ARHGEF11: variants seen among roughly 807,000 people sequenced by gnomAD.
ARHGEF11 encodes Rho guanine nucleotide exchange factor 11, also known as Rho guanine exchange factor (GEF) 11.
A neutral mutation model predicts 193.7 loss-of-function variants in ARHGEF11; 55 were observed. That is an observed-to-expected ratio of 0.28 (90% CI 0.23 to 0.36). The LOEUF (loss-of-function observed/expected upper bound fraction) is 0.36, where lower values mean the gene tolerates loss of function less well. Ranked by LOEUF, ARHGEF11 falls within the 10% of genes least tolerant of loss-of-function variation. The pLI is 1.00. For synonymous variants in ARHGEF11, 693 were observed against 768.0 expected, an observed-to-expected ratio of 0.90 and a Z score of 1.62; for missense variants, 1,723 against 2,005.6, an observed-to-expected ratio of 0.86 and a Z score of 2.69.
chr1:156,942,804 A>G, intron 32 of ARHGEF11, 24 bp from the exon 33 acceptor site: 1 of 1,607,440 alleles, frequency 6.2e-7, no homozygotes, highest in Non-Finnish European at 8.5e-7. Context: ...GGAAGGTAGA[A>G]GGGTCTGTAC....
intron 2 of ARHGEF11, among the ~76,000 whole-genome samples, chr1:156,985,329 C>A (rs904572653): frequency 1.3e-5 from 2 of 152,186 alleles, no homozygotes; most frequent in East Asian, 3.9e-4. Context: ...CCCATTAACA[C>A]AATGCCTAGT....
chr1:156,937,853 C>G (rs997947993), intron 38 of ARHGEF11, among the ~76,000 whole-genome samples: 1 of 152,206 alleles, frequency 6.6e-6, no homozygotes, highest in African/African-American at 2.4e-5. Flanking sequence ...GAGCAGGCAG[C>G]AGCCCTCTTG....
At chr1:156,954,761 G>C (rs1659700055) in intron 21 of ARHGEF11, 131 bp downstream of exon 21, 1 of 821,096 alleles carries the variant, frequency 1.2e-6, no homozygotes, top group Non-Finnish European at 2.0e-6. Context: ...AAGAGAAATG[G>C]AGAGAAGAAA....
chr1:156,953,132 G>A (rs1659366250), intron 21 of ARHGEF11, among the ~76,000 whole-genome samples: 1 of 152,226 alleles, frequency 6.6e-6, no homozygotes, highest in Non-Finnish European at 1.5e-5. Context: ...ACAGGTAGAA[G>A]GAAATGCATT....
rs1655505212 is a variant in ARHGEF11 at position 156,936,918 on chromosome 1, C to G, written c.4528G>C (p.Glu1510Gln). ...GAGCCATCTGTCCATCTAGCTGCTT[C>G]TGTGTGGAAACTGCCCACAGGCGTG... ...GTTPVGSFHTEAARWTDGSLS... is the reference protein window; with the variant it reads ...GTTPVGSFHTQAARWTDGSLS... Residue 1510 changes from glutamate to glutamine, a missense_variant, in exon 40 of 41, where the codon GAA becomes CAA. Physicochemically the swap from Glu to Gln is conservative, Grantham distance 29 (BLOSUM62 2). This residue lies in a region of ARHGEF11 where 360 missense variants were observed against 344.4 expected (regional missense o/e 1.05). Coordinates refer to ENST00000368194, the MANE Select transcript of ARHGEF11 (RefSeq NM_198236.3). 6.2e-7 allele frequency: 1 copy of G among 1,614,168 alleles called. No homozygotes were observed. Among genetic ancestry groups the G allele is most frequent in the Non-Finnish European group, 8.5e-7 (1 of 1,180,038 alleles).
rs377075621 is a variant in ARHGEF11 at position 156,978,286 on chromosome 1, C to G, written c.428G>C (p.Arg143Pro). The G allele has an allele frequency of 1.1e-5, 18 of 1,613,888 alleles. No individual in the cohort carries two copies. The highest frequency in any genetic ancestry group is 2.7e-5 in the African/African-American group (2 of 74,874). Residue 143 changes from arginine (R) to proline (P), a missense_variant, in exon 6 of 41, where the codon CGA (arginine) becomes CCA (proline). Transcript: ENST00000368194. Reference sequence around the variant, plus strand: ...TGGTGAGGGGATCACTGACGTGATTCGGGGAGCTCCTGCTGGGGATGGGTC... The same window carrying G: ...TGGTGAGGGGATCACTGACGTGATTGGGGGAGCTCCTGCTGGGGATGGGTC... ...QQDPSPAGAPRITSVIPSPPP... is the reference protein window; with the variant it reads ...QQDPSPAGAPPITSVIPSPPP...
intron 13 of ARHGEF11, among the ~76,000 whole-genome samples, chr1:156,962,164 T>C (rs1571262113): frequency 6.6e-6 from 1 of 152,082 alleles, no homozygotes. Flanking sequence ...TTCCTAAGGG[T>C]TCATGTTTTA....
chr1:156,976,848 CG>C, intron 7 of ARHGEF11, 134 bp downstream of exon 7: 1 of 761,220 alleles, frequency 1.3e-6, no homozygotes, highest in Non-Finnish European at 2.2e-6. Context: ...TTTAGTGGTC[CG>C]GAAGTTTTAT....
At chr1:157,021,303 T>C (rs1669944999) in intron 1 of ARHGEF11, among the ~76,000 whole-genome samples, 1 of 152,306 alleles carries the variant, frequency 6.6e-6, no homozygotes, top group African/African-American at 2.4e-5. Flanking sequence ...ATGTGTCAAG[T>C]ATTTGAGGAT....
At chr1:157,000,823 C>T (rs1466754327) in intron 1 of ARHGEF11, among the ~76,000 whole-genome samples, 6 of 152,170 alleles carry the variant, frequency 3.9e-5, no homozygotes, top group Non-Finnish European at 7.3e-5. Flanking sequence ...CAAACTGAGT[C>T]ATGGCAACCT....
Position 156,936,926 on chromosome 1 carries a change from A to C in ARHGEF11, c.4520T>G (p.Phe1507Cys). 1.2e-6 allele frequency: 2 copies of C among 1,613,978 alleles called. No individual in the cohort carries two copies. Among genetic ancestry groups the C allele is most frequent in the Non-Finnish European group, 1.7e-6 (2 of 1,180,002 alleles). ...TGTCCATCTAGCTGCTTCTGTGTGG[A>C]AACTGCCCACAGGCGTGGTGCCACC... ...SSGGTTPVGSFHTEAARWTDG... is the reference protein window; with the variant it reads ...SSGGTTPVGSCHTEAARWTDG... Residue 1507 changes from phenylalanine (F) to cysteine (C), a missense_variant, in exon 40 of 41, where the codon TTC becomes TGC. Around this residue, in one of 5 missense-constraint regions of ARHGEF11, gnomAD observed 360 missense variants for 344.4 expected, o/e 1.05. Coordinates refer to ENST00000368194, the MANE Select transcript of ARHGEF11 (RefSeq NM_198236.3).
Position 157,005,319 on chromosome 1 carries a change from G to A in ARHGEF11, c.33-19146C>T, listed in dbSNP as rs938291625. ...CCCCCCAACCCCCATAATGTTGACCGCCTTCAGAGGGTCTGGGTTCCCTGG... is the reference window on the plus strand; with the variant it reads ...CCCCCCAACCCCCATAATGTTGACCACCTTCAGAGGGTCTGGGTTCCCTGG... On this transcript the variant is annotated intron_variant, in intron 1 of 40. Transcript: ENST00000368194. Among the ~76,000 whole-genome samples, 60 of 152,098 alleles carry A rather than the reference G, an allele frequency of 3.9e-4. 1 individual carries two copies. The highest frequency in any genetic ancestry group is 5.9e-4 in the Admixed American group (9 of 15,268).
chr1:156,939,961 C>A, intron 36 of ARHGEF11, 51 bp from the exon 37 acceptor site: 2 of 1,582,004 alleles, frequency 1.3e-6, no homozygotes, highest in Non-Finnish European at 1.7e-6. Context: ...GCACACCACG[C>A]CAGAAGGATC....
In ARHGEF11 at chr1:156,951,398, G is replaced by A. The variant is rs566838083; in HGVS notation, c.1925+175C>T. Among the ~76,000 whole-genome samples, 18 of 152,288 alleles carry A rather than the reference G, an allele frequency of 1.2e-4. No homozygotes were observed. The South Asian group carries it at 3.1e-3, about 26-fold the overall frequency. On this transcript the variant is annotated intron_variant, in intron 22 of 40. Coordinates refer to ENST00000368194, the MANE Select transcript of ARHGEF11 (RefSeq NM_198236.3). The stretch of plus-strand genomic sequence containing the variant: ...GATCTGCTTGCTCTTCCACTGGCCT[G>A]TTCACTGGCACACAATGTGTCTCCT...
At position 156,940,415 on chromosome 1, in the gene ARHGEF11, G is replaced by A. The variant is rs756791905; in HGVS notation, c.3525C>T (p.Ser1175=). ...EPEELPGGTG[S]QQRVQGKHQV... ...GGTGCTTCCCTTGGACCCTCTGCTGGGACCCAGTGCCTGTTTCGGATGAGA... is the reference window on the plus strand; with the variant it reads ...GGTGCTTCCCTTGGACCCTCTGCTGAGACCCAGTGCCTGTTTCGGATGAGA... Residue 1175 remains serine (S), a synonymous_variant, in exon 36 of 41, where the codon TCC becomes TCT. Coordinates refer to ENST00000368194, the MANE Select transcript of ARHGEF11 (RefSeq NM_198236.3). 2 of 1,602,084 alleles carry A rather than the reference G, an allele frequency of 1.2e-6. No individual in the cohort carries two copies. The highest frequency in any genetic ancestry group is 2.2e-5 in the South Asian group (2 of 89,642).
chr1:157,007,495 T>C (rs1667969164), intron 1 of ARHGEF11, among the ~76,000 whole-genome samples: 1 of 152,126 alleles, frequency 6.6e-6, no homozygotes. Context: ...GGCTGAGATT[T>C]ATAAAAGGGC....
rs1673117873 is a variant in ARHGEF11 at position 157,044,325 on chromosome 1, A to G, written c.6T>C (p.Ser2=). 1 of 1,606,472 alleles carries G rather than the reference A, an allele frequency of 6.2e-7. No homozygotes were observed. Among genetic ancestry groups the G allele is most frequent in the South Asian group, 1.1e-5 (1 of 90,708 alleles). M[S]VRLPQSIDRL... ...TGTCTATACTCTGGGGTAACCTTAC[A>G]CTCATGGTTTCTCGGTGTCTCCACG... Residue 2 remains serine, a synonymous_variant, in exon 1 of 41, where the codon AGT becomes AGC. Coordinates refer to ENST00000368194, the MANE Select transcript of ARHGEF11 (RefSeq NM_198236.3).
intron 22 of ARHGEF11, among the ~76,000 whole-genome samples, chr1:156,949,822 A>C (rs1470076210): frequency 2.6e-5 from 4 of 152,150 alleles, no homozygotes; most frequent in African/African-American, 9.7e-5. Flanking sequence ...CTTTGCCCCC[A>C]AATTCCTAGG....
intron 1 of ARHGEF11, among the ~76,000 whole-genome samples, chr1:157,042,260 G>C (rs1672843511): frequency 6.6e-6 from 1 of 152,136 alleles, no homozygotes; most frequent in Non-Finnish European, 1.5e-5. Flanking sequence ...TGAGCCCCAA[G>C]ACTGAACCCC....
Sources: allele counts gnomAD v4.1 joint callset (sites outside exome capture counted in the v4.1 genomes callset), GRCh38; gene constraint gnomAD v4.1.1; regional missense constraint gnomAD v4.1.1; transcripts MANE v1.5; gene names NCBI Gene and HGNC (gene_info 2026-07-23, HGNC 2026-07-21).